Variants in EMSY observed in about 807,000 individuals in gnomAD.
The protein encoded by EMSY is EMSY transcriptional repressor, BRCA2 interacting, also known as BRCA2-interacting transcriptional repressor EMSY.
In EMSY, 26 loss-of-function variants were observed where a neutral mutation model predicts 134.6. The observed-to-expected ratio is 0.19, with a 90% CI of 0.14 to 0.27. The LOEUF (loss-of-function observed/expected upper bound fraction) is 0.27, where lower values mean the gene tolerates loss of function less well. EMSY is among the 10% of genes least tolerant of loss of function. The pLI is 1.00. For synonymous variants in EMSY, 579 were observed against 577.8 expected (o/e 1.00, Z -0.03); for missense variants, 1,305 against 1,611.4 (o/e 0.81, Z 3.26).
At chr11:76,458,321 A>G (rs1246972319) in exon 5 of EMSY, 1 of 1,613,654 alleles carries the variant, frequency 6.2e-7, no homozygotes, top group Non-Finnish European at 8.5e-7. Context: ...AGCATAATGC[A>G]TCTCTTCCAG....
chr11:76,528,495 T>A lies in EMSY; in HGVS notation c.2194+29T>A, dbSNP rs1490334042. The A allele has an allele frequency of 3.3e-6, 5 of 1,537,174 alleles. No homozygotes were observed. The South Asian group carries it at 5.7e-5, about 18-fold the overall frequency. ...AGATCTATTTTACTTCTGATTTATA[T>A]AAGTACTACTGACATAGTGCCCAAA... On this transcript the variant is annotated intron_variant, in intron 14 of 20. Transcript: ENST00000334736.
At chr11:76,464,183 T>C in intron 7 of EMSY, 103 bp downstream of exon 8, 2 of 1,331,768 alleles carry the variant, frequency 1.5e-6, no homozygotes, top group South Asian at 2.7e-5. Context: ...CTTGGCATTA[T>C]GCTGGGGATG....
chr11:76,537,936 A>C lies in EMSY; in HGVS notation c.2501A>C (p.Glu834Ala), dbSNP rs764097430. 1.9e-6 allele frequency: 3 copies of C among 1,611,964 alleles called. No individual in the cohort carries two copies. The Admixed American group carries it at 5.0e-5, about 27-fold the overall frequency. ...GTGGTAGAGTCAGAACTAGTAGCTGAATACATCACTACTGGTAGGTGTCCT... is the reference window on the plus strand; with the variant it reads ...GTGGTAGAGTCAGAACTAGTAGCTGCATACATCACTACTGGTAGGTGTCCT... The change falls in exon 16 of 21, where the codon GAA becomes GCA. Residue 834 changes from glutamate to alanine, a missense_variant. Transcript: ENST00000334736.
At chr11:76,542,757 T>TTTGTTG (rs1489144860) in intron 18 of EMSY, among the ~76,000 whole-genome samples, 1 of 150,180 alleles carries the variant, frequency 6.7e-6, no homozygotes, top group African/African-American at 2.5e-5. Context: ...TTTTTTGTTT[T>TTTGTTG]TTTTTTTTTT....
intron 16 of EMSY, among the ~76,000 whole-genome samples, chr11:76,539,333 A>G (rs1009999234): frequency 6.6e-6 from 1 of 152,342 alleles, no homozygotes; most frequent in Admixed American, 6.5e-5. Flanking sequence ...TTTGAAGGAC[A>G]TAAATACCAA....
chr11:76,537,867 T>G, exon 16 of EMSY: 1 of 1,613,644 alleles, frequency 6.2e-7, no homozygotes, highest in Non-Finnish European at 8.5e-7. Flanking sequence ...CCTATTCAGA[T>G]GACCCAGGAA....
At chr11:76,469,318 T>C (rs1043208277) in intron 7 of EMSY, among the ~76,000 whole-genome samples, 12 of 152,180 alleles carry the variant, frequency 7.9e-5, no homozygotes, top group African/African-American at 2.2e-4. Context: ...TCAAAGTCCT[T>C]ATAAGCATTG....
intron 11 of EMSY, 50 bp downstream of exon 12, chr11:76,516,362 GAA>G (rs745953256): frequency 1.6e-6 from 2 of 1,221,270 alleles, no homozygotes; most frequent in Non-Finnish European, 1.1e-6. Flanking sequence ...TCATTGAGAG[GAA>G]AAAAAAAACT....
intron 8 of EMSY, among the ~76,000 whole-genome samples, 198 bp from the exon 10 acceptor site, chr11:76,496,017 C>T (rs917532942): frequency 2.0e-5 from 3 of 152,068 alleles, no homozygotes; most frequent in Non-Finnish European, 4.4e-5. Context: ...CAATGGTTAC[C>T]TCCCTTGAAG....
At chr11:76,480,532 C>T (rs1459071025) in intron 8 of EMSY, among the ~76,000 whole-genome samples, 1 of 152,152 alleles carries the variant, frequency 6.6e-6, no homozygotes, top group Non-Finnish European at 1.5e-5. Context: ...GTACTTTCCC[C>T]CAGTGTGACT....
intron 7 of EMSY, among the ~76,000 whole-genome samples, chr11:76,471,484 A>T (rs542933711): frequency 6.6e-6 from 1 of 152,268 alleles, no homozygotes; most frequent in Non-Finnish European, 1.5e-5. Flanking sequence ...TTTCTGTTCC[A>T]GGATACCATA....
intron 8 of EMSY, among the ~76,000 whole-genome samples, chr11:76,494,138 A>G (rs985387710): frequency 6.6e-6 from 1 of 152,254 alleles, no homozygotes; most frequent in Non-Finnish European, 1.5e-5. Flanking sequence ...GCCCCACTGC[A>G]GCAGCTGGCA....
At chr11:76,456,982 G>A (rs1440066934) in intron 4 of EMSY, among the ~76,000 whole-genome samples, 2 of 152,058 alleles carry the variant, frequency 1.3e-5, no homozygotes, top group African/African-American at 4.8e-5. Flanking sequence ...TTTATTAGTT[G>A]CGTGACCTTA....
chr11:76,478,896 A>G (rs1948867297), intron 8 of EMSY, among the ~76,000 whole-genome samples: 1 of 151,864 alleles, frequency 6.6e-6, no homozygotes, highest in African/African-American at 2.4e-5. Flanking sequence ...AGATTTAACT[A>G]TAGTGAACAT....
chr11:76,507,671 T>A (rs1390018067), intron 9 of EMSY, among the ~76,000 whole-genome samples: 1 of 151,904 alleles, frequency 6.6e-6, no homozygotes, highest in African/African-American at 2.4e-5. Context: ...TCCATAGAGG[T>A]TGGAATCCAC....
At chr11:76,498,103 T>G (rs1259795583) in intron 9 of EMSY, among the ~76,000 whole-genome samples, 1 of 152,212 alleles carries the variant, frequency 6.6e-6, no homozygotes, top group South Asian at 2.1e-4. Context: ...ATTGTGTTGC[T>G]TAATTTCTAA....
intron 5 of EMSY, 143 bp downstream of exon 6, chr11:76,458,501 A>G: frequency 1.2e-6 from 1 of 844,594 alleles, no homozygotes; most frequent in Non-Finnish European, 1.7e-6. Flanking sequence ...CTAATTCTGA[A>G]ATTAGACTGC....
intron 6 of EMSY, chr11:76,460,400 G>C (rs930484252): frequency 8.4e-5 from 17 of 201,710 alleles, no homozygotes; most frequent in African/African-American, 3.7e-4. Flanking sequence ...GAAGGAATGT[G>C]CTTATGTAAT....
intron 7 of EMSY, among the ~76,000 whole-genome samples, chr11:76,468,806 T>C (rs144552428): frequency 2.0e-5 from 3 of 152,306 alleles, no homozygotes; most frequent in African/African-American, 7.2e-5. Flanking sequence ...AGAATTTAGC[T>C]TTATGCCTTC....
Sources: allele counts gnomAD v4.1 joint callset (sites outside exome capture counted in the v4.1 genomes callset), GRCh38; gene constraint gnomAD v4.1.1; transcripts MANE v1.5; gene names NCBI Gene and HGNC (gene_info 2026-07-23, HGNC 2026-07-21).